TMC5: variants seen among roughly 807,000 people sequenced by gnomAD.
TMC5 encodes the protein transmembrane channel-like protein 5.
A neutral mutation model predicts 110.5 loss-of-function variants in TMC5; 86 were observed. The ratio of observed to expected loss-of-function variants is 0.78; its 90% confidence interval spans 0.65 to 0.93. The LOEUF (loss-of-function observed/expected upper bound fraction) is 0.93. TMC5 is among the 40% of genes least tolerant of loss of function. The pLI, the probability that TMC5 is intolerant of heterozygous loss-of-function variation, is 0.00. For synonymous variants in TMC5, 455 were observed against 439.5 expected (o/e 1.04, Z -0.44); for missense variants, 1,144 against 1,222.8 (o/e 0.94, Z 0.96).
chr16:19,475,714 T>A (rs926129437), intron 12 of TMC5, among the ~76,000 whole-genome samples: 1 of 151,934 alleles, frequency 6.6e-6, no homozygotes, highest in Non-Finnish European at 1.5e-5. Context: ...TCTTCAAACA[T>A]CACCCTCGTG....
intron 3 of TMC5, among the ~76,000 whole-genome samples, chr16:19,441,797 T>TATTC (rs992605766): frequency 1.3e-5 from 2 of 152,184 alleles, no homozygotes; most frequent in Non-Finnish European, 2.9e-5. Flanking sequence ...TTTATTTATT[T>TATTC]ATTCATTCAT....
At chr16:19,458,146 C>G (rs972320218) in intron 5 of TMC5, among the ~76,000 whole-genome samples, 1 of 152,138 alleles carries the variant, frequency 6.6e-6, no homozygotes, top group African/African-American at 2.4e-5. Flanking sequence ...CAGATCTTAG[C>G]TGAGACCTTC....
chr16:19,466,733 T>C (rs1210801862), intron 9 of TMC5, among the ~76,000 whole-genome samples: 2 of 151,872 alleles, frequency 1.3e-5, no homozygotes, highest in Non-Finnish European at 2.9e-5. Context: ...GGAAGAGAGG[T>C]TTTTCTGTGC....
At chr16:19,495,678 TA>T (rs973019877) in intron 20 of TMC5, among the ~76,000 whole-genome samples, 2 of 151,834 alleles carry the variant, frequency 1.3e-5, no homozygotes, top group Non-Finnish European at 2.9e-5. Flanking sequence ...CCCCATCCCT[TA>T]AAAAATTTTA....
intron 4 of TMC5, 150 bp downstream of exon 4, chr16:19,444,400 A>C: frequency 1.4e-6 from 1 of 715,258 alleles, no homozygotes; most frequent in Non-Finnish European, 2.2e-6. Flanking sequence ...AAAGTTGAGA[A>C]TTCAGTGTTT....
intron 1 of TMC5, among the ~76,000 whole-genome samples, chr16:19,426,063 A>G (rs964677259): frequency 3.9e-5 from 6 of 152,226 alleles, no homozygotes; most frequent in Non-Finnish European, 8.8e-5. Flanking sequence ...AGTGCCTGGC[A>G]CTGATATATA....
chr16:19,434,375 TCTATATATA>T (rs1426403104), intron 2 of TMC5, among the ~76,000 whole-genome samples: 20 of 57,684 alleles, frequency 3.5e-4, no homozygotes, highest in African/African-American at 1.4e-3. Context: ...ATAATATAGA[TCTATATATA>T]ATATAGATAT....
intron 5 of TMC5, among the ~76,000 whole-genome samples, chr16:19,455,462 C>A (rs1567309423): frequency 6.6e-6 from 1 of 152,014 alleles, no homozygotes; most frequent in East Asian, 1.9e-4. Context: ...AGCAAAAAAA[C>A]AAGAAGCATG....
At chr16:19,497,819 G>A in intron 21 of TMC5, 101 bp from the exon 22 acceptor site, 1 of 1,005,194 alleles carries the variant, frequency 9.9e-7, no homozygotes, top group East Asian at 2.5e-5. Context: ...GGCAAAGAAG[G>A]CATGAGAAGC....
At chr16:19,476,507 C>A (rs1482594105) in intron 12 of TMC5, among the ~76,000 whole-genome samples, 2 of 152,100 alleles carry the variant, frequency 1.3e-5, no homozygotes, top group African/African-American at 2.4e-5. Context: ...CACCCCATAA[C>A]CTTGCATATT....
intron 15 of TMC5, among the ~76,000 whole-genome samples, chr16:19,482,160 A>G (rs1296037079): frequency 6.6e-6 from 1 of 152,130 alleles, no homozygotes; most frequent in African/African-American, 2.4e-5. Flanking sequence ...CCTAGGTTCA[A>G]GTGATTCTCC....
upstream of TMC5, among the ~76,000 whole-genome samples, chr16:19,413,861 T>C (rs1289571216): frequency 6.6e-6 from 1 of 152,198 alleles, no homozygotes; most frequent in Non-Finnish European, 1.5e-5. Context: ...TGGGCCAAGT[T>C]ACTTAACCTC....
At chr16:19,425,445 A>C (rs544206523) in intron 1 of TMC5, among the ~76,000 whole-genome samples, 1 of 145,154 alleles carries the variant, frequency 6.9e-6, no homozygotes, top group South Asian at 2.2e-4. Context: ...CTTGTTTTGG[A>C]GTTTCTATTT....
At chr16:19,438,788 C>A (rs1967414926) in intron 2 of TMC5, among the ~76,000 whole-genome samples, 1 of 152,152 alleles carries the variant, frequency 6.6e-6, no homozygotes, top group Admixed American at 6.6e-5. Context: ...AAAACTGCAT[C>A]ACCTCTTATT....
At chr16:19,429,034 C>G (rs1567298256) in intron 1 of TMC5, among the ~76,000 whole-genome samples, 2 of 152,246 alleles carry the variant, frequency 1.3e-5, no homozygotes, top group South Asian at 2.1e-4. Context: ...CCATGTTAGT[C>G]AGGCTGGTCT....
In TMC5 at chr16:19,490,506, T is replaced by C; in HGVS notation, c.2685T>C (p.Val895=). ...CACGGCCTGGCTACCTGTGGGTTGTTTGGATCTATCGGAACCTCATTGGAA... is the reference window on the plus strand; with the variant it reads ...CACGGCCTGGCTACCTGTGGGTTGTCTGGATCTATCGGAACCTCATTGGAA... ...LSTRPGYLWV[V]WIYRNLIGSV... Residue 895 remains valine (V), a synonymous_variant, in exon 18 of 22, where the codon GTT becomes GTC. Transcript: ENST00000542583. 1.2e-6 allele frequency: 2 copies of C among 1,614,168 alleles called. No homozygotes were observed. Among genetic ancestry groups the C allele is most frequent in the African/African-American group, 1.3e-5 (1 of 75,034 alleles).
intron 2 of TMC5, among the ~76,000 whole-genome samples, chr16:19,436,254 C>T (rs1333725865): frequency 1.5e-5 from 1 of 67,024 alleles, no homozygotes; most frequent in Non-Finnish European, 2.6e-5. Flanking sequence ...GGTGAAAGAG[C>T]AAAAGTTCGT....
chr16:19,428,129 A>G (rs1967124073), intron 1 of TMC5, among the ~76,000 whole-genome samples: 1 of 152,204 alleles, frequency 6.6e-6, no homozygotes, highest in African/African-American at 2.4e-5. Flanking sequence ...TCGTGGTAAA[A>G]GAGGAGGAAT....
chr16:19,417,508 G>A (rs1229785087), upstream of TMC5, among the ~76,000 whole-genome samples: 1 of 151,012 alleles, frequency 6.6e-6, no homozygotes, highest in Non-Finnish European at 1.5e-5. Flanking sequence ...ATGAATTCAG[G>A]TAGTCTCTTC....
Sources: allele counts gnomAD v4.1 joint callset (sites outside exome capture counted in the v4.1 genomes callset), GRCh38; gene constraint gnomAD v4.1.1; transcripts MANE v1.5; gene names NCBI Gene and HGNC (gene_info 2026-07-23, HGNC 2026-07-21).